The following POLR1D variants were observed in gnomAD, a reference collection of about 807,000 sequenced individuals.
POLR1D encodes DNA-directed RNA polymerases I and III subunit RPAC2.
POLR1D carries 8 observed loss-of-function variants against 10.8 expected under a neutral mutation model. The observed-to-expected ratio is 0.74, with a 90% CI of 0.43 to 1.33. The LOEUF (loss-of-function observed/expected upper bound fraction) is 1.33. POLR1D is among the 40% of genes most tolerant of loss of function. POLR1D has a pLI of 0.01. For missense variants in POLR1D, 152 were observed against 161.7 expected (o/e 0.94, Z 0.32); for synonymous variants, 54 against 57.2 (o/e 0.94, Z 0.25).
intron 1 of POLR1D, 55 bp from the exon 2 acceptor site, chr13:27,622,820 T>G: frequency 8.9e-7 from 1 of 1,121,158 alleles, no homozygotes; most frequent in Non-Finnish European, 1.3e-6. Flanking sequence ...GAGAAAAAGC[T>G]AGTTACAAAA....
intron 1 of POLR1D, among the ~76,000 whole-genome samples, chr13:27,641,600 T>G (rs1956173760): frequency 6.6e-6 from 1 of 152,182 alleles, no homozygotes. Flanking sequence ...TTTGTCAAGA[T>G]AGGAAGAAGA....
intron 1 of POLR1D, among the ~76,000 whole-genome samples, chr13:27,639,693 C>G (rs1956157672): frequency 6.6e-6 from 1 of 152,110 alleles, no homozygotes; most frequent in Admixed American, 6.5e-5. Flanking sequence ...TAAGAATTAA[C>G]CCACATTTTA....
intron 2 of POLR1D, among the ~76,000 whole-genome samples, chr13:27,656,449 T>G (rs1231706716): frequency 6.6e-6 from 1 of 152,054 alleles, no homozygotes; most frequent in Admixed American, 6.5e-5. Flanking sequence ...TAGGCTCTGC[T>G]ATTTTGACAC....
chr13:27,658,432 A>G (rs566523029), intron 2 of POLR1D, among the ~76,000 whole-genome samples: 1 of 152,332 alleles, frequency 6.6e-6, no homozygotes, highest in Non-Finnish European at 1.5e-5. Flanking sequence ...GACAGTTCTT[A>G]AAAGAGTAGC....
At chr13:27,628,286 T>C (rs1044927957), downstream of POLR1D, among the ~76,000 whole-genome samples, 9 of 152,200 alleles carry the variant, frequency 5.9e-5, no homozygotes, top group African/African-American at 2.2e-4. Flanking sequence ...ATTGGCTCTG[T>C]AAATATTGAG....
intron 2 of POLR1D, among the ~76,000 whole-genome samples, chr13:27,649,162 C>T (rs1320112895): frequency 2.0e-5 from 3 of 152,108 alleles, no homozygotes; most frequent in Non-Finnish European, 2.9e-5. Flanking sequence ...CAGTTAAAAA[C>T]GTACTGCAAT....
chr13:27,645,155 A>G (rs762123770), intron 1 of POLR1D, among the ~76,000 whole-genome samples: 4 of 152,222 alleles, frequency 2.6e-5, no homozygotes, highest in Non-Finnish European at 4.4e-5. Flanking sequence ...CATTCTTAGG[A>G]CAAAATAGTG....
At chr13:27,666,032 C>A in exon 3 of POLR1D, 2 of 1,287,094 alleles carry the variant, frequency 1.6e-6, no homozygotes, top group Non-Finnish European at 2.2e-6. Flanking sequence ...CCTGAGCTGG[C>A]AGGGCAAACA....
chr13:27,661,558 C>T (rs949836747), intron 2 of POLR1D, among the ~76,000 whole-genome samples: 1 of 152,106 alleles, frequency 6.6e-6, no homozygotes, highest in Non-Finnish European at 1.5e-5. Flanking sequence ...AGCAGGCAGC[C>T]GTGGCCTATG....
chr13:27,641,537 C>T (rs1228971918), intron 1 of POLR1D, among the ~76,000 whole-genome samples: 1 of 152,000 alleles, frequency 6.6e-6, no homozygotes, highest in Non-Finnish European at 1.5e-5. Context: ...AAATATTCAG[C>T]CATTTCAAAA....
At chr13:27,653,196 G>A (rs370984422) in intron 2 of POLR1D, among the ~76,000 whole-genome samples, 14 of 152,044 alleles carry the variant, frequency 9.2e-5, no homozygotes, top group South Asian at 4.2e-4. Flanking sequence ...CACCGTGCCC[G>A]GCCTGTATTT....
exon 3 of POLR1D, chr13:27,665,936 C>T: frequency 2.5e-6 from 4 of 1,614,108 alleles, no homozygotes; most frequent in Non-Finnish European, 2.5e-6. Context: ...GTACGAAAAG[C>T]GGTCCAACCG....
At chr13:27,646,856 G>A (rs1956225539) in intron 1 of POLR1D, among the ~76,000 whole-genome samples, 1 of 152,020 alleles carries the variant, frequency 6.6e-6, no homozygotes, top group African/African-American at 2.4e-5. Context: ...AATAATATTT[G>A]TCTTTTTAAA....
intron 1 of POLR1D, among the ~76,000 whole-genome samples, chr13:27,636,975 A>ATGCCAATGTG (rs1956130414): frequency 6.6e-6 from 1 of 152,226 alleles, no homozygotes. Context: ...TTTTAAAACA[A>ATGCCAATGTG]TGCATAGTTA....
At chr13:27,624,679 G>A (rs1334185401), downstream of POLR1D, among the ~76,000 whole-genome samples, 1 of 152,064 alleles carries the variant, frequency 6.6e-6, no homozygotes, top group East Asian at 1.9e-4. Flanking sequence ...TTGAGCCCAG[G>A]AGTTTGAGAC....
intron 1 of POLR1D, among the ~76,000 whole-genome samples, chr13:27,642,423 C>T (rs552574879): frequency 6.6e-6 from 1 of 152,290 alleles, no homozygotes; most frequent in East Asian, 1.9e-4. Flanking sequence ...CCCTCAGGAA[C>T]CTGTAGCTCT....
At chr13:27,638,242 G>C (rs1006534952) in intron 1 of POLR1D, among the ~76,000 whole-genome samples, 2 of 152,224 alleles carry the variant, frequency 1.3e-5, no homozygotes, top group Non-Finnish European at 1.5e-5. Flanking sequence ...TGCACTTAAC[G>C]GTCACAGGAC....
upstream of POLR1D, chr13:27,621,879 T>C: frequency 8.1e-7 from 1 of 1,239,082 alleles, no homozygotes; most frequent in South Asian, 1.3e-5. Context: ...CTCCGCGCCT[T>C]CCGTCGGTCG....
At chr13:27,624,043 G>A (rs1955981509), downstream of POLR1D, among the ~76,000 whole-genome samples, 1 of 152,114 alleles carries the variant, frequency 6.6e-6, no homozygotes, top group Non-Finnish European at 1.5e-5. Flanking sequence ...TAAAGCCAAG[G>A]AGAAGGAAAA....
Sources: allele counts gnomAD v4.1 joint callset (sites outside exome capture counted in the v4.1 genomes callset), GRCh38; gene constraint gnomAD v4.1.1; transcripts MANE v1.5; gene names NCBI Gene and HGNC (gene_info 2026-07-23, HGNC 2026-07-21).